MTRF1: variants seen among roughly 807,000 people sequenced by gnomAD.
MTRF1 encodes peptide chain release factor 1, mitochondrial.
Under a neutral mutation model 62.9 loss-of-function variants are expected in MTRF1, and 51 were observed. The ratio of observed to expected loss-of-function variants is 0.81; its 90% confidence interval spans 0.65 to 1.02. MTRF1 has a LOEUF of 1.02. MTRF1 is among the 50% of genes least tolerant of loss of function. The pLI is 0.00. For missense variants in MTRF1, 446 were observed against 530.0 expected (o/e 0.84, Z 1.56); for synonymous variants, 158 against 181.9 (o/e 0.87, Z 1.06).
the MTRF1 span, among the ~76,000 whole-genome samples, chr13:41,292,970 T>G: frequency 3.3e-5 from 5 of 152,094 alleles, no homozygotes; most frequent in Non-Finnish European, 7.4e-5. Context: ...CAAAAACTTA[T>G]TTGCCTGAAA....
chr13:41,218,790 G>A (rs2032509204), intron 9 of MTRF1, among the ~76,000 whole-genome samples: 1 of 152,118 alleles, frequency 6.6e-6, no homozygotes, highest in Non-Finnish European at 1.5e-5. Flanking sequence ...TTTCTTGAAT[G>A]GTCTTAAAGT....
chr13:41,298,411 T>C, the MTRF1 span, among the ~76,000 whole-genome samples: 508 of 152,400 alleles, frequency 3.3e-3, 1 homozygote, highest in African/African-American at 0.011. Context: ...TCTCATAGTG[T>C]AACATTACAG....
chr13:41,264,055 T>C (rs1186667349), upstream of MTRF1, among the ~76,000 whole-genome samples: 1 of 152,198 alleles, frequency 6.6e-6, no homozygotes, highest in African/African-American at 2.4e-5. Context: ...TTTCCTTATG[T>C]ATTAGAAGCC....
chr13:41,273,183 G>A, the MTRF1 span, among the ~76,000 whole-genome samples: 2 of 152,182 alleles, frequency 1.3e-5, no homozygotes, highest in South Asian at 4.2e-4. Context: ...AAAATTAGCT[G>A]GGCGTGGTGG....
the MTRF1 span, among the ~76,000 whole-genome samples, chr13:41,280,129 G>A: frequency 6.6e-6 from 1 of 152,064 alleles, no homozygotes; most frequent in Non-Finnish European, 1.5e-5. Context: ...GTAGAGATGG[G>A]GTTCACTGTG....
chr13:41,261,715 G>A, intron 1 of MTRF1: 1 of 763,668 alleles, frequency 1.3e-6, no homozygotes, highest in Non-Finnish European at 1.6e-6. Flanking sequence ...TCAGTCGGCT[G>A]GATGGAGACA....
intron 7 of MTRF1, among the ~76,000 whole-genome samples, chr13:41,230,133 T>G (rs1401836168): frequency 6.6e-6 from 1 of 152,076 alleles, no homozygotes; most frequent in Non-Finnish European, 1.5e-5. Context: ...ACTTCATTTT[T>G]GGGGAAAAAA....
chr13:41,221,156 C>CTTTT (rs373390151), intron 9 of MTRF1, among the ~76,000 whole-genome samples: 1 of 140,772 alleles, frequency 7.1e-6, no homozygotes, highest in Admixed American at 7.2e-5. Context: ...GTTATTCACT[C>CTTTT]TTTTTTTTTT....
the MTRF1 span, among the ~76,000 whole-genome samples, chr13:41,273,108 C>G: frequency 6.6e-6 from 1 of 151,886 alleles, no homozygotes; most frequent in Admixed American, 6.6e-5. Context: ...GGGTGGATCA[C>G]GAGGTCAGGA....
chr13:41,272,333 T>C, the MTRF1 span, among the ~76,000 whole-genome samples: 1 of 152,294 alleles, frequency 6.6e-6, no homozygotes, highest in East Asian at 1.9e-4. Context: ...GGAAGAAAAG[T>C]AAATGAAAGA....
chr13:41,225,532 A>T (rs1350533962), intron 8 of MTRF1, among the ~76,000 whole-genome samples: 3 of 152,202 alleles, frequency 2.0e-5, no homozygotes, highest in African/African-American at 7.2e-5. Context: ...GTAGGTAAAG[A>T]AAGCTAGAAA....
At chr13:41,253,906 G>A (rs1264900273) in intron 3 of MTRF1, among the ~76,000 whole-genome samples, 2 of 152,174 alleles carry the variant, frequency 1.3e-5, no homozygotes, top group East Asian at 1.9e-4. Flanking sequence ...GACGGCAAAC[G>A]TGACAGAGGG....
the MTRF1 span, among the ~76,000 whole-genome samples, chr13:41,275,574 C>T: frequency 2.8e-4 from 42 of 151,390 alleles, no homozygotes; most frequent in South Asian, 7.7e-3. Context: ...CTCACTGCAA[C>T]CTCTGTCTCC....
Position 41,254,511 on chromosome 13 carries a change from C to T in MTRF1, c.507+18G>A, listed in dbSNP as rs189085840. 12 of 1,592,142 alleles carry T rather than the reference C, an allele frequency of 7.5e-6. No homozygotes were observed. Among genetic ancestry groups the T allele is most frequent in the African/African-American group, 5.4e-5 (4 of 74,482 alleles). On this transcript the variant is annotated intron_variant, in intron 3 of 9. Coordinates refer to ENST00000379480, the MANE Select transcript of MTRF1 (RefSeq NM_004294.4). The stretch of plus-strand genomic sequence containing the variant: ...TTTATACAGCACTATTGAAACTAGT[C>T]GACCTCTGAAAACCTACCTCATTGT...
upstream of MTRF1, among the ~76,000 whole-genome samples, chr13:41,267,150 T>G (rs2139249075): frequency 6.6e-6 from 1 of 152,260 alleles, no homozygotes; most frequent in East Asian, 1.9e-4. Flanking sequence ...AGATTCTCCT[T>G]TTCTTCTTTT....
At chr13:41,281,874 T>C in the MTRF1 span, among the ~76,000 whole-genome samples, 4 of 152,230 alleles carry the variant, frequency 2.6e-5, no homozygotes, top group East Asian at 7.7e-4. Context: ...CGGTGGCTCA[T>C]GCCTGTAATC....
At chr13:41,283,289 G>A in the MTRF1 span, among the ~76,000 whole-genome samples, 1 of 152,114 alleles carries the variant, frequency 6.6e-6, no homozygotes, top group Admixed American at 6.5e-5. Context: ...GAACTCCTCT[G>A]GGCGCTGCTG....
chr13:41,221,064 C>A (rs911669133), intron 9 of MTRF1, among the ~76,000 whole-genome samples: 4 of 152,118 alleles, frequency 2.6e-5, no homozygotes, highest in Non-Finnish European at 5.9e-5. Context: ...TCCTATCTAC[C>A]CCTTCCATTT....
In MTRF1 at chr13:41,240,391, A is replaced by G. The variant is rs2037327355; in HGVS notation, c.740T>C (p.Val247Ala). The G allele has an allele frequency of 6.2e-7, 1 of 1,613,596 alleles. No homozygotes were observed. The highest frequency in any genetic ancestry group is 1.1e-5 in the South Asian group (1 of 90,942). ...HAAARISGDG[V>A]YKHLKYEGGI... The stretch of plus-strand genomic sequence containing the variant: ...ACCCTCATACTTCAAATGCTTATAG[A>G]CACCGTCACCGGAAATTCGGGCGGC... Residue 247 changes from valine to alanine, a missense_variant, in exon 6 of 10, where the codon GTC becomes GCC. Val to Ala is a moderately conservative substitution (Grantham distance 64). Transcript: ENST00000379480.
Sources: gnomAD v4.1 joint callset for allele counts (sites outside exome capture counted in the v4.1 genomes callset) on GRCh38, gnomAD v4.1.1 for gene constraint, MANE v1.5 for transcripts, NCBI Gene and HGNC (gene_info 2026-07-23, HGNC 2026-07-21) for gene names.